The following EXTL3 variants were observed in gnomAD, a reference collection of about 807,000 sequenced individuals.
EXTL3 encodes the protein exostosin-like 3.
A neutral mutation model predicts 69.3 loss-of-function variants in EXTL3; 27 were observed. That is an observed-to-expected ratio of 0.39 (90% CI 0.29 to 0.54). The LOEUF is 0.54. Among genes scored for constraint, EXTL3 ranks in the 20% least tolerant of loss-of-function variants. The pLI is 0.69. For missense variants in EXTL3, 1,003 were observed against 1,231.8 expected (o/e 0.81, Z 2.78); for synonymous variants, 511 against 499.4 (o/e 1.02, Z -0.31).
chr8:28,657,738 A>T (rs1184998844), intron 1 of EXTL3, among the ~76,000 whole-genome samples: 7 of 152,094 alleles, frequency 4.6e-5, no homozygotes, highest in Non-Finnish European at 8.8e-5. Context: ...CGGGGGGAAA[A>T]AACCTACCCA....
chr8:28,620,922 C>T (rs1457838011), upstream of EXTL3, among the ~76,000 whole-genome samples: 1 of 152,038 alleles, frequency 6.6e-6, no homozygotes, highest in Non-Finnish European at 1.5e-5. Context: ...GCTATCTTGC[C>T]CAGGCTGGTC....
chr8:28,704,091 G>T (rs1800868921), intron 1 of EXTL3, among the ~76,000 whole-genome samples: 1 of 152,170 alleles, frequency 6.6e-6, no homozygotes, highest in African/African-American at 2.4e-5. Context: ...GACCTCTTGG[G>T]TGATGTTACT....
chr8:28,680,236 C>T (rs1807462347), intron 1 of EXTL3, among the ~76,000 whole-genome samples: 1 of 151,870 alleles, frequency 6.6e-6, no homozygotes, highest in South Asian at 2.1e-4. Context: ...TACAAAAATA[C>T]AAAAATTAGC....
chr8:28,614,613 G>C (rs949284276), intron 2 of EXTL3, among the ~76,000 whole-genome samples: 4 of 152,030 alleles, frequency 2.6e-5, no homozygotes, highest in Non-Finnish European at 5.9e-5. Context: ...AAATTTTCCT[G>C]AGGTGGAAGC....
At chr8:28,680,561 ATACT>A (rs1807469204) in intron 1 of EXTL3, among the ~76,000 whole-genome samples, 1 of 151,750 alleles carries the variant, frequency 6.6e-6, no homozygotes, top group Non-Finnish European at 1.5e-5. Flanking sequence ...ATCACCTCAC[ATACT>A]TATTTGTGTG....
intron 1 of EXTL3, among the ~76,000 whole-genome samples, chr8:28,709,400 CCTCT>C (rs553980481): frequency 3.3e-5 from 5 of 152,050 alleles, no homozygotes; most frequent in South Asian, 2.1e-4. Flanking sequence ...AAGCGTCTAG[CCTCT>C]CTCTCTGTTT....
chr8:28,615,965 T>G (rs1806325034), intron 2 of EXTL3, among the ~76,000 whole-genome samples: 1 of 152,168 alleles, frequency 6.6e-6, no homozygotes, highest in East Asian at 1.9e-4. Flanking sequence ...CCAGGCACAG[T>G]GGCTCACACC....
At chr8:28,718,302 C>A (rs1585276064) in intron 3 of EXTL3, 95 bp downstream of exon 3, 2 of 1,243,608 alleles carry the variant, frequency 1.6e-6, no homozygotes, top group East Asian at 2.4e-5. Flanking sequence ...ATCGTAACTT[C>A]TAGCAGAGGA....
upstream of EXTL3, among the ~76,000 whole-genome samples, chr8:28,619,722 T>G (rs1187142973): frequency 6.6e-6 from 1 of 152,138 alleles, no homozygotes; most frequent in East Asian, 1.9e-4. Context: ...TGTCAGGAGC[T>G]TGAAATCAGC....
chr8:28,670,201 T>C (rs868181144), intron 1 of EXTL3, among the ~76,000 whole-genome samples: 1 of 538 alleles, frequency 1.9e-3, no homozygotes, highest in Non-Finnish European at 3.2e-3. Context: ...AGAGTGAGAC[T>C]CTGTCTCAAA....
At chr8:28,661,026 G>T (rs1281222665) in intron 1 of EXTL3, among the ~76,000 whole-genome samples, 1 of 149,902 alleles carries the variant, frequency 6.7e-6, no homozygotes, top group East Asian at 2.0e-4. Flanking sequence ...CTATTCTTCT[G>T]CCTCAGCCTC....
At chr8:28,710,311 C>T in intron 1 of EXTL3, 1 of 345,420 alleles carries the variant, frequency 2.9e-6, no homozygotes, top group South Asian at 2.2e-5. Context: ...TTGGCAAGCT[C>T]TGGGAGGTGA....
Position 28,717,502 on chromosome 8 carries a change from G to A in EXTL3, c.1443G>A (p.Ala481=), listed in dbSNP as rs759791895. The A allele has an allele frequency of 4.2e-5, 68 of 1,614,118 alleles. No individual in the cohort carries two copies. In the South Asian group the frequency reaches 4.5e-4, roughly 11 times the overall value. The change falls in exon 3 of 7, where the codon GCG becomes GCA. Residue 481 remains alanine, a synonymous_variant. Coordinates refer to ENST00000220562, the MANE Select transcript of EXTL3 (RefSeq NM_001440.4). The surrounding 1 kb of genome is among the most constrained non-coding windows in gnomAD (Gnocchi z 8.3). ...AGGACATGCTGCAGTGGAACGAGGC[G>A]GCCCTGGTGGTGCCAAAGCCTCGTG... ...PYQDMLQWNE[A]ALVVPKPRVT...
Position 28,717,689 on chromosome 8 carries a change from C to A in EXTL3, c.1630C>A (p.Pro544Thr). 1 of 1,614,236 alleles carries A rather than the reference C, an allele frequency of 6.2e-7. No homozygotes were observed. Among genetic ancestry groups the A allele is most frequent in the Non-Finnish European group, 8.5e-7 (1 of 1,180,052 alleles). Residue 544 changes from proline to threonine, a missense_variant, in exon 3 of 7, where the codon CCC (proline) becomes ACC (threonine). Coordinates refer to ENST00000220562, the MANE Select transcript of EXTL3 (RefSeq NM_001440.4). This position sits in a 1 kb window ranked among gnomAD's most constrained non-coding sequence, Gnocchi z 8.3. ...GACTCGCATCCAGATCCCAGCCGCT[C>A]CCATCCGGGAAGAGGCGGCAGCTGA... is the stretch of plus-strand genomic sequence containing the variant. Reference protein sequence around the residue: ...IRTRIQIPAAPIREEAAAEIP... With the variant: ...IRTRIQIPAATIREEAAAEIP...
chr8:28,695,407 A>T (rs890886567), intron 1 of EXTL3, among the ~76,000 whole-genome samples: 1 of 152,094 alleles, frequency 6.6e-6, no homozygotes, highest in Non-Finnish European at 1.5e-5. Flanking sequence ...GATTATGAGG[A>T]TTTTTTAAAT....
chr8:28,742,263 T>TA (rs1423430139), intron 5 of EXTL3: 4 of 152,224 alleles, frequency 2.6e-5, no homozygotes, highest in Non-Finnish European at 5.9e-5. Context: ...GAAGTTTATG[T>TA]AATTACATCT....
At chr8:28,659,433 C>A (rs1807068504) in intron 1 of EXTL3, among the ~76,000 whole-genome samples, 1 of 152,142 alleles carries the variant, frequency 6.6e-6, no homozygotes, top group Admixed American at 6.6e-5. Flanking sequence ...ACTTGAATGA[C>A]AAGAGGATTC....
intron 1 of EXTL3, among the ~76,000 whole-genome samples, chr8:28,686,384 C>T (rs1415543841): frequency 3.3e-5 from 5 of 151,328 alleles, no homozygotes; most frequent in African/African-American, 1.2e-4. Flanking sequence ...GAATAGGTAT[C>T]ACCCTTTATA....
rs1431387270 is a variant in EXTL3, at chr8:28,623,055, C to T, written c.-53+245C>T. 6.6e-6 allele frequency among the ~76,000 whole-genome samples: 1 copy of T among 152,090 alleles called. No individual in the cohort carries two copies. The highest frequency in any genetic ancestry group is 1.5e-5 in the Non-Finnish European group (1 of 67,984). On this transcript the variant is annotated intron_variant, in intron 1 of 6. Transcript: ENST00000523149. The surrounding 1 kb of genome is among the most constrained non-coding windows in gnomAD (Gnocchi z 4.2). ...CGATTGCAAGCTCGCGGTCCATGTC[C>T]CCTGCCTCGGAGTGTGGACGTGAAC...
Sources: gnomAD v4.1 joint callset for allele counts (sites outside exome capture counted in the v4.1 genomes callset) on GRCh38, gnomAD v4.1.1 for gene constraint, Gnocchi (gnomAD v3.1) non-coding constraint, MANE v1.5 for transcripts, NCBI Gene and HGNC (gene_info 2026-07-23, HGNC 2026-07-21) for gene names.